Variants in OSBPL10 observed in about 807,000 individuals in gnomAD.
OSBPL10 encodes the protein oxysterol binding protein like 10.
In OSBPL10, 49 loss-of-function variants were observed where a neutral mutation model predicts 81.7. The ratio of observed to expected loss-of-function variants is 0.60; its 90% CI spans 0.48 to 0.76. The LOEUF (loss-of-function observed/expected upper bound fraction) is 0.76, where lower values mean the gene tolerates loss of function less well. Ranked by LOEUF, OSBPL10 falls within the 30% of genes least tolerant of loss-of-function variation. The pLI, the probability that OSBPL10 is intolerant of heterozygous loss-of-function variation, is 0.00. For synonymous variants in OSBPL10, 419 were observed against 383.6 expected (o/e 1.09, Z -1.08); for missense variants, 923 against 987.8 (o/e 0.93, Z 0.88).
rs1700134917 is a variant in OSBPL10, at chr3:31,664,192, C to G, written c.2137G>C (p.Asp713His). 1 of 1,612,922 alleles carries G rather than the reference C, an allele frequency of 6.2e-7. No homozygotes were observed. Among genetic ancestry groups the G allele is most frequent in the African/African-American group, 1.3e-5 (1 of 74,856 alleles). ...REVTRYLRLGDIDAATEQKRH... is the reference protein window; with the variant it reads ...REVTRYLRLGHIDAATEQKRH... ...TTCTGCTCGGTGGCTGCGTCAATGTCCCCCAGCCGCAGGTATCGGGTCACC... is the reference window on the plus strand; with the variant it reads ...TTCTGCTCGGTGGCTGCGTCAATGTGCCCCAGCCGCAGGTATCGGGTCACC... Residue 713 changes from aspartate (D) to histidine (H), a missense_variant, in exon 11 of 12, where the codon GAC becomes CAC. Transcript: ENST00000396556.
intron 2 of OSBPL10, among the ~76,000 whole-genome samples, chr3:32,038,368 C>A (rs1699539602): frequency 6.6e-6 from 1 of 152,152 alleles, no homozygotes; most frequent in Admixed American, 6.6e-5. Flanking sequence ...CTCTGTCAGC[C>A]AGGCTGCAAT....
chr3:31,789,485 T>C (rs1199755890), intron 4 of OSBPL10, among the ~76,000 whole-genome samples: 23 of 152,142 alleles, frequency 1.5e-4, no homozygotes, highest in Admixed American at 1.3e-3. Flanking sequence ...ACTCTTCCTA[T>C]AGGGTACAGG....
At chr3:31,886,004 A>G (rs2125649197) in intron 1 of OSBPL10, among the ~76,000 whole-genome samples, 1 of 147,628 alleles carries the variant, frequency 6.8e-6, no homozygotes, top group Non-Finnish European at 1.5e-5. Context: ...TCAAAAAAAA[A>G]AAAAAAAAAA....
chr3:31,729,730 C>T (rs371755718), intron 6 of OSBPL10, among the ~76,000 whole-genome samples: 3 of 152,296 alleles, frequency 2.0e-5, no homozygotes, highest in African/African-American at 7.2e-5. Flanking sequence ...GCACCTTAGA[C>T]TTTTAAGTTC....
intron 3 of OSBPL10, among the ~76,000 whole-genome samples, chr3:31,831,720 ATTCAAAAG>A (rs1183994556): frequency 2.0e-5 from 3 of 152,220 alleles, no homozygotes; most frequent in African/African-American, 7.2e-5. Flanking sequence ...ATTGGCAAAA[ATTCAAAAG>A]TCTGAGTACA....
At chr3:31,928,014 CAAG>C (rs1189034374) in intron 1 of OSBPL10, among the ~76,000 whole-genome samples, 1 of 152,012 alleles carries the variant, frequency 6.6e-6, no homozygotes, top group African/African-American at 2.4e-5. Flanking sequence ...GAATGAGGAA[CAAG>C]AAGTGAGAGA....
chr3:31,899,417 T>C (rs549012248), intron 1 of OSBPL10, among the ~76,000 whole-genome samples: 13 of 151,914 alleles, frequency 8.6e-5, no homozygotes, highest in African/African-American at 3.1e-4. Flanking sequence ...AGAAGAAACA[T>C]AGAAAAAGCT....
intron 3 of OSBPL10, among the ~76,000 whole-genome samples, chr3:31,870,419 CG>C (rs1272063613): frequency 6.6e-6 from 1 of 152,232 alleles, no homozygotes; most frequent in Non-Finnish European, 1.5e-5. Flanking sequence ...GGCTCCTGTG[CG>C]GCCCGAGCCT....
intron 4 of OSBPL10, among the ~76,000 whole-genome samples, chr3:31,817,560 A>G (rs9683196): frequency 0.033 from 4,941 of 151,768 alleles, 222 homozygotes; most frequent in African/African-American, 0.1. Flanking sequence ...AGCTGCACCC[A>G]CACCCACACC....
chr3:31,803,470 G>A (rs753775693), intron 4 of OSBPL10, among the ~76,000 whole-genome samples: 3 of 152,128 alleles, frequency 2.0e-5, no homozygotes, highest in African/African-American at 7.2e-5. Flanking sequence ...TGTATGATGG[G>A]TATTTCAAAA....
intron 1 of OSBPL10, among the ~76,000 whole-genome samples, chr3:32,070,885 T>C (rs1259749486): frequency 6.6e-6 from 1 of 152,224 alleles, no homozygotes; most frequent in East Asian, 1.9e-4. Flanking sequence ...TCTTTGCTTT[T>C]ACCTGGACTG....
At chr3:31,685,277 A>C (rs1039072818) in intron 7 of OSBPL10, among the ~76,000 whole-genome samples, 3 of 152,160 alleles carry the variant, frequency 2.0e-5, no homozygotes, top group African/African-American at 7.2e-5. Flanking sequence ...ATCTCAGCTC[A>C]CTGCAACCTC....
intron 1 of OSBPL10, among the ~76,000 whole-genome samples, chr3:31,923,351 AG>A (rs1488641846): frequency 1.5e-5 from 2 of 132,512 alleles, no homozygotes; most frequent in African/African-American, 3.0e-5. Flanking sequence ...TGCTAATCAG[AG>A]TGAAAGTTGT....
chr3:32,027,516 A>G (rs1315920290), intron 2 of OSBPL10, among the ~76,000 whole-genome samples: 1 of 146,248 alleles, frequency 6.8e-6, no homozygotes, highest in Non-Finnish European at 1.5e-5. Context: ...AAATGTTAAC[A>G]ATTAATAATT....
intron 4 of OSBPL10, among the ~76,000 whole-genome samples, chr3:31,801,014 T>TG (rs1221178285): frequency 1.3e-5 from 2 of 151,732 alleles, no homozygotes; most frequent in Non-Finnish European, 2.9e-5. Context: ...TCTTTTTTTT[T>TG]TAATACATAA....
chr3:31,764,497 G>A (rs548647020), intron 4 of OSBPL10, among the ~76,000 whole-genome samples: 3 of 152,260 alleles, frequency 2.0e-5, no homozygotes, highest in East Asian at 3.9e-4. Context: ...AGAAGAGAAG[G>A]GAAGAATAAA....
chr3:31,966,851 C>T (rs913673609), intron 1 of OSBPL10, among the ~76,000 whole-genome samples: 5 of 152,134 alleles, frequency 3.3e-5, no homozygotes, highest in Non-Finnish European at 5.9e-5. Context: ...AAAAGCTGTT[C>T]AGTGTCATTA....
At chr3:31,905,368 T>TTTTTTTTTTTTTTTTTA (rs869077578) in intron 1 of OSBPL10, among the ~76,000 whole-genome samples, 16 of 148,290 alleles carry the variant, frequency 1.1e-4, no homozygotes, top group African/African-American at 4.0e-4. Flanking sequence ...TTTTTTTTTT[T>TTTTTTTTTTTTTTTTTA]AGACGGACTC....
At chr3:31,751,375 CAAATAAAATA>C (rs146565470) in intron 4 of OSBPL10, among the ~76,000 whole-genome samples, 44 of 150,860 alleles carry the variant, frequency 2.9e-4, no homozygotes, top group East Asian at 5.9e-4. Context: ...AACAAACAAA[CAAATAAAATA>C]AAATAAAATA....
Sources: gnomAD v4.1 joint callset for allele counts (sites outside exome capture counted in the v4.1 genomes callset) on GRCh38, gnomAD v4.1.1 for gene constraint, MANE v1.5 for transcripts, NCBI Gene and HGNC (gene_info 2026-07-23, HGNC 2026-07-21) for gene names.